GOLPH3L: variants seen among roughly 807,000 people sequenced by gnomAD.
GOLPH3L encodes the protein golgi phosphoprotein 3 like.
GOLPH3L carries 22 observed loss-of-function variants against 30.3 expected under a neutral mutation model. The ratio of observed to expected loss-of-function variants is 0.73; its 90% confidence interval spans 0.52 to 1.04. GOLPH3L has a LOEUF of 1.04. Among genes scored for constraint, GOLPH3L ranks in the 50% least tolerant of loss-of-function variants. The probability of loss-of-function intolerance (pLI) is 0.00; values close to 1 mark genes in which losing one functional copy is unlikely to be tolerated. For synonymous variants in GOLPH3L, 120 were observed against 128.2 expected (o/e 0.94, Z 0.43); for missense variants, 303 against 345.8 (o/e 0.88, Z 0.98).
chr1:150,672,576 G>A (rs1650671521), intron 2 of GOLPH3L, among the ~76,000 whole-genome samples: 2 of 152,126 alleles, frequency 1.3e-5, no homozygotes, highest in South Asian at 4.1e-4. Flanking sequence ...GATTACAGGG[G>A]CCTGCCACCA....
chr1:150,678,098 G>A (rs1391506595), intron 2 of GOLPH3L, among the ~76,000 whole-genome samples: 3 of 151,050 alleles, frequency 2.0e-5, no homozygotes, highest in Admixed American at 1.3e-4. Context: ...TCAGGAGTTC[G>A]AGACCAGCCT....
intron 2 of GOLPH3L, among the ~76,000 whole-genome samples, chr1:150,668,920 C>T (rs1650577103): frequency 6.6e-6 from 1 of 152,092 alleles, no homozygotes. Flanking sequence ...TTCCTCCTGA[C>T]CATGTAACTT....
At chr1:150,680,947 C>T (rs1054423349) in intron 2 of GOLPH3L, among the ~76,000 whole-genome samples, 66 of 152,106 alleles carry the variant, frequency 4.3e-4, no homozygotes, top group Admixed American at 9.2e-4. Context: ...CAAGACCAGA[C>T]TGGGCAACAT....
chr1:150,662,610 A>G (rs1056286607), intron 3 of GOLPH3L, among the ~76,000 whole-genome samples: 5 of 152,162 alleles, frequency 3.3e-5, no homozygotes, highest in African/African-American at 1.2e-4. Context: ...AAGGTAAATG[A>G]TATCTCTGAA....
intron 4 of GOLPH3L, among the ~76,000 whole-genome samples, chr1:150,654,517 A>AC (rs1305429061): frequency 6.6e-6 from 1 of 151,054 alleles, no homozygotes; most frequent in African/African-American, 2.5e-5. Flanking sequence ...TAAAAAAAAA[A>AC]AACAAAAAAA....
At chr1:150,675,399 G>GT (rs1331150690) in intron 2 of GOLPH3L, among the ~76,000 whole-genome samples, 1 of 152,012 alleles carries the variant, frequency 6.6e-6, no homozygotes, top group South Asian at 2.1e-4. Flanking sequence ...TCATATGGGT[G>GT]TATGTACAAC....
intron 2 of GOLPH3L, among the ~76,000 whole-genome samples, chr1:150,691,205 C>T (rs1651203114): frequency 6.6e-6 from 1 of 151,196 alleles, no homozygotes; most frequent in Non-Finnish European, 1.5e-5. Context: ...TAAAAAAGGC[C>T]GGGAGCAGTA....
intron 2 of GOLPH3L, among the ~76,000 whole-genome samples, chr1:150,693,487 G>T (rs587593650): frequency 2.0e-5 from 3 of 151,798 alleles, no homozygotes; most frequent in East Asian, 1.9e-4. Context: ...CGGTGGGCGA[G>T]GGGGGGCGGT....
chr1:150,663,668 G>C lies in GOLPH3L; in HGVS notation c.279C>G (p.Pro93=). The C allele has an allele frequency of 3.1e-6, 5 of 1,613,716 alleles. No individual in the cohort carries two copies. The South Asian group carries it at 3.3e-5, about 11-fold the overall frequency. Residue 93 remains proline (P), a synonymous_variant, in exon 3 of 5, where the codon CCC becomes CCG. Coordinates refer to ENST00000271732, the MANE Select transcript of GOLPH3L (RefSeq NM_018178.6). ...LAMRGRIYLE[P]PTMRKKRLLD... The stretch of plus-strand genomic sequence containing the variant: ...GTAGTCGCTTCTTACGCATGGTCGG[G>C]GGTTCCAGATAGATTCGACCCCGCA...
chr1:150,661,725 G>A (rs1047047453), intron 4 of GOLPH3L, 89 bp downstream of exon 4: 3 of 743,192 alleles, frequency 4.0e-6, no homozygotes, highest in Middle Eastern at 2.4e-4. Flanking sequence ...CATCCAGCAC[G>A]ATGAATTTCG....
chr1:150,663,925 C>T (rs1265769050), intron 2 of GOLPH3L, among the ~76,000 whole-genome samples, 162 bp from the exon 3 acceptor site: 1 of 152,044 alleles, frequency 6.6e-6, no homozygotes, highest in Non-Finnish European at 1.5e-5. Flanking sequence ...TCTTAAACAC[C>T]CCCAAATATG....
chr1:150,696,122 G>C (rs1651347472), intron 1 of GOLPH3L, among the ~76,000 whole-genome samples: 2 of 152,106 alleles, frequency 1.3e-5, no homozygotes. Context: ...GAGTTGCTAT[G>C]ACTGGACTCG....
intron 2 of GOLPH3L, among the ~76,000 whole-genome samples, chr1:150,665,950 T>C (rs1650490167): frequency 6.6e-6 from 1 of 152,222 alleles, no homozygotes; most frequent in African/African-American, 2.4e-5. Flanking sequence ...AGGTTGATCA[T>C]TCCAGGTTAT....
chr1:150,663,662 G>A lies in GOLPH3L; in HGVS notation c.285C>T (p.Thr95=). ...MRGRIYLEPP[T]MRKKRLLDRK... ...TGTCTAGTAGTCGCTTCTTACGCAT[G>A]GTCGGGGGTTCCAGATAGATTCGAC... The change falls in exon 3 of 5, where the codon ACC becomes ACT. Residue 95 remains threonine, a synonymous_variant. Transcript: ENST00000271732. 1 of 1,613,750 alleles carries A rather than the reference G, an allele frequency of 6.2e-7. No individual in the cohort carries two copies. Among genetic ancestry groups the A allele is most frequent in the Non-Finnish European group, 8.5e-7 (1 of 1,179,760 alleles).
intron 4 of GOLPH3L, among the ~76,000 whole-genome samples, chr1:150,649,293 T>TA (rs1231222960): frequency 1.3e-5 from 2 of 152,194 alleles, no homozygotes; most frequent in African/African-American, 4.8e-5. Context: ...CACCTACTCA[T>TA]ACAGCAGGTG....
At chr1:150,664,556 C>T (rs1234564290) in intron 2 of GOLPH3L, among the ~76,000 whole-genome samples, 3 of 152,004 alleles carry the variant, frequency 2.0e-5, no homozygotes, top group Non-Finnish European at 2.9e-5. Context: ...CAGGTTCAAG[C>T]GATTCTCCTG....
rs1203171413 is a variant in GOLPH3L, at chr1:150,646,793, T to A, written c.*1528A>T. 2.0e-5 allele frequency: 3 copies of A among 152,236 alleles called. No individual in the cohort carries two copies. Among genetic ancestry groups the A allele is most frequent in the African/African-American group, 7.2e-5 (3 of 41,470 alleles). The allele number at this position is 152,236 out of a possible 1,614,324, so 9.4% of individuals were successfully genotyped here. A position where few individuals can be genotyped will look rare whatever the true frequency, so the allele number is the denominator to read the frequency against. ...TTGTTCTATAATGGTCAAGAAGCAC[T>A]ATCCCATTAAAGTATAATAAATGCT... On this transcript the variant is annotated 3_prime_UTR_variant, in exon 5 of 5. Coordinates refer to ENST00000271732, the MANE Select transcript of GOLPH3L (RefSeq NM_018178.6).
intron 2 of GOLPH3L, among the ~76,000 whole-genome samples, chr1:150,682,227 G>A (rs1011177332): frequency 1.3e-5 from 2 of 151,932 alleles, no homozygotes; most frequent in African/African-American, 4.8e-5. Context: ...AATTTACATA[G>A]AGTGAAATGC....
chr1:150,672,550 C>T (rs1650670723), intron 2 of GOLPH3L, among the ~76,000 whole-genome samples: 1 of 152,162 alleles, frequency 6.6e-6, no homozygotes, highest in Non-Finnish European at 1.5e-5. Context: ...CCTGCCTCAG[C>T]CTCCCGAGTA....
Sources: gnomAD v4.1 joint callset for allele counts (sites outside exome capture counted in the v4.1 genomes callset) on GRCh38, gnomAD v4.1.1 for gene constraint, MANE v1.5 for transcripts, NCBI Gene and HGNC (gene_info 2026-07-23, HGNC 2026-07-21) for gene names.